Variants in PKP4 observed in about 807,000 individuals in gnomAD.
The protein encoded by PKP4 is plakophilin 4, also known as plakophilin-4.
Under a neutral mutation model 145.1 loss-of-function variants are expected in PKP4, and 90 were observed. That is an observed-to-expected ratio of 0.62 (90% confidence interval 0.52 to 0.74). The LOEUF is 0.74. Ranked by LOEUF, PKP4 falls within the 30% of genes least tolerant of loss-of-function variation. The pLI, the probability that PKP4 is intolerant of heterozygous loss-of-function variation, is 0.00. For synonymous variants in PKP4, 563 were observed against 577.2 expected, an observed-to-expected ratio of 0.98 and a Z score of 0.35; for missense variants, 1,340 against 1,482.7, an observed-to-expected ratio of 0.90 and a Z score of 1.58.
intron 10 of PKP4, among the ~76,000 whole-genome samples, chr2:158,641,475 T>C (rs2054278652): frequency 6.6e-6 from 1 of 150,504 alleles, no homozygotes; most frequent in East Asian, 1.9e-4. Context: ...TGAACATACA[T>C]GAATATTTTA....
chr2:158,462,210 T>C (rs1689875653), intron 1 of PKP4, among the ~76,000 whole-genome samples: 1 of 152,168 alleles, frequency 6.6e-6, no homozygotes, highest in Non-Finnish European at 1.5e-5. Flanking sequence ...GCATCCCAAA[T>C]CAGAAATTAG....
At chr2:158,589,803 A>G (rs2049101799) in intron 3 of PKP4, among the ~76,000 whole-genome samples, 1 of 152,190 alleles carries the variant, frequency 6.6e-6, no homozygotes, top group Non-Finnish European at 1.5e-5. Context: ...ATAGAGCAAC[A>G]AGAGCAATAT....
chr2:158,681,135 T>C lies in PKP4; in HGVS notation c.*458T>C, dbSNP rs1392803619. On this transcript the variant is annotated 3_prime_UTR_variant, in exon 22 of 22. Coordinates refer to ENST00000389759, the MANE Select transcript of PKP4 (RefSeq NM_003628.6). Reference sequence around the variant, plus strand: ...TGTAAATTTCTTTTGTTGGTGTAAATATGGAAATGCCACATTGGTTAAGTG... The same window carrying C: ...TGTAAATTTCTTTTGTTGGTGTAAACATGGAAATGCCACATTGGTTAAGTG... 6.5e-6 allele frequency: 1 copy of C among 154,194 alleles called. No homozygotes were observed. Among genetic ancestry groups the C allele is most frequent in the Non-Finnish European group, 1.4e-5 (1 of 69,152 alleles). 9.6% of individuals were successfully genotyped at this position (154,194 alleles called of 1,614,324 possible).
Position 158,590,312 on chromosome 2 carries a change from A to AGTGAGTGT in PKP4, c.246-12755_246-12754insAGTGTGTG, listed in dbSNP as rs1553453725. 8.0e-5 allele frequency among the ~76,000 whole-genome samples: 10 copies of AGTGAGTGT among 124,236 alleles called. No individual in the cohort carries two copies. The Admixed American group carries it at 8.3e-4, about 10-fold the overall frequency. The allele number at this position is 124,236 out of a possible 152,430, so 81.5% of individuals were successfully genotyped here. On this transcript the variant is annotated intron_variant, in intron 3 of 21. Coordinates refer to ENST00000389759, the MANE Select transcript of PKP4 (RefSeq NM_003628.6). ...TTATAATCCAAGGAGGAATGTCTTG[A>AGTGAGTGT]GTGTGTGTGTGTGTGTGTGTGTGTG...
intron 3 of PKP4, among the ~76,000 whole-genome samples, 196 bp downstream of exon 3, chr2:158,577,579 A>G (rs2047966516): frequency 6.6e-6 from 1 of 152,204 alleles, no homozygotes; most frequent in African/African-American, 2.4e-5. Flanking sequence ...AATGTTTTCT[A>G]TAGCATTGGC....
chr2:158,640,574 T>G, intron 9 of PKP4, 53 bp from the exon 10 acceptor site: 1 of 1,584,614 alleles, frequency 6.3e-7, no homozygotes, highest in Non-Finnish European at 8.6e-7. Flanking sequence ...TTTTTTTCAG[T>G]GTATTTTTAC....
intron 15 of PKP4, among the ~76,000 whole-genome samples, chr2:158,665,191 G>T (rs1189632735): frequency 6.6e-6 from 1 of 152,144 alleles, no homozygotes; most frequent in Non-Finnish European, 1.5e-5. Context: ...AGGGAGACGG[G>T]CTGGGCTGGG....
chr2:158,653,281 A>G (rs1399277793), intron 11 of PKP4, among the ~76,000 whole-genome samples: 2 of 152,226 alleles, frequency 1.3e-5, no homozygotes, highest in African/African-American at 2.4e-5. Context: ...TACATTTTTC[A>G]AATAGTTGCT....
rs181057695 is a variant in PKP4 at position 158,512,005 on chromosome 2, C to T, written c.-5-21175C>T. 1.5e-3 allele frequency among the ~76,000 whole-genome samples: 226 copies of T among 152,208 alleles called. 1 individual carries two copies. Among genetic ancestry groups the T allele is most frequent in the African/African-American group, 5.0e-3 (208 of 41,540 alleles). ...TTTAAAGTGTTATGGTATATCTTGT[C>T]TAGAGAGTATTTCTGGTTGCTTAGA... On this transcript the variant is annotated intron_variant, in intron 1 of 21. Coordinates refer to ENST00000389759, the MANE Select transcript of PKP4 (RefSeq NM_003628.6).
intron 1 of PKP4, among the ~76,000 whole-genome samples, chr2:158,503,781 G>A (rs1696917590): frequency 6.6e-6 from 1 of 152,120 alleles, no homozygotes; most frequent in Admixed American, 6.6e-5. Flanking sequence ...ATTACCTCAT[G>A]ATGTGTTACT....
At chr2:158,509,135 A>C (rs1020682830) in intron 1 of PKP4, among the ~76,000 whole-genome samples, 2 of 152,198 alleles carry the variant, frequency 1.3e-5, no homozygotes, top group African/African-American at 4.8e-5. Context: ...ACAATATTTT[A>C]AACTGAGAAT....
At chr2:158,566,996 T>G (rs1355048383) in intron 2 of PKP4, among the ~76,000 whole-genome samples, 1 of 152,202 alleles carries the variant, frequency 6.6e-6, no homozygotes, top group African/African-American at 2.4e-5. Flanking sequence ...AACTCCTGGT[T>G]TTTTGATATG....
chr2:158,493,976 G>T (rs1339305002), intron 1 of PKP4, among the ~76,000 whole-genome samples: 1 of 152,080 alleles, frequency 6.6e-6, no homozygotes, highest in African/African-American at 2.4e-5. Flanking sequence ...TGGAGTCCAG[G>T]GGTGCAAAAT....
At chr2:158,657,527 G>A (rs750337083) in intron 11 of PKP4, among the ~76,000 whole-genome samples, 110 of 152,332 alleles carry the variant, frequency 7.2e-4, no homozygotes, top group Admixed American at 1.1e-3. Flanking sequence ...AGATAGAAGT[G>A]TTTAAACCTT....
At chr2:158,469,595 A>G (rs192710203) in intron 1 of PKP4, among the ~76,000 whole-genome samples, 178 of 152,288 alleles carry the variant, frequency 1.2e-3, no homozygotes, top group Non-Finnish European at 1.9e-3. Flanking sequence ...TTAAAATACC[A>G]TCAGATTACT....
At chr2:158,575,588 T>A (rs1376972304) in intron 2 of PKP4, among the ~76,000 whole-genome samples, 1 of 152,104 alleles carries the variant, frequency 6.6e-6, no homozygotes, top group Non-Finnish European at 1.5e-5. Context: ...CTTTTGCCCA[T>A]CCCAAAATGA....
chr2:158,644,832 A>G (rs2105939064), intron 11 of PKP4, among the ~76,000 whole-genome samples: 2 of 152,284 alleles, frequency 1.3e-5, no homozygotes, highest in East Asian at 3.9e-4. Flanking sequence ...ATAAGACAAA[A>G]TGTTAATATT....
intron 7 of PKP4, among the ~76,000 whole-genome samples, chr2:158,627,984 T>C (rs542367312): frequency 6.6e-6 from 1 of 151,340 alleles, no homozygotes; most frequent in Admixed American, 6.6e-5. Context: ...TTATTTTTAT[T>C]TTTTTATTTT....
At chr2:158,554,649 T>A (rs2045933854) in intron 2 of PKP4, among the ~76,000 whole-genome samples, 1 of 152,000 alleles carries the variant, frequency 6.6e-6, no homozygotes, top group African/African-American at 2.4e-5. Flanking sequence ...ATGGTCTCGA[T>A]CTCCTGACCT....
Sources: allele counts gnomAD v4.1 joint callset (sites outside exome capture counted in the v4.1 genomes callset), GRCh38; gene constraint gnomAD v4.1.1; transcripts MANE v1.5; gene names NCBI Gene and HGNC (gene_info 2026-07-23, HGNC 2026-07-21).